The following PTPRT variants were observed in gnomAD, a reference collection of about 807,000 sequenced individuals.
PTPRT encodes protein tyrosine phosphatase receptor type T.
A neutral mutation model predicts 176.8 loss-of-function variants in PTPRT; 56 were observed. The observed-to-expected ratio is 0.32, with a 90% CI of 0.26 to 0.40. The LOEUF (loss-of-function observed/expected upper bound fraction) is 0.40. Among genes scored for constraint, PTPRT ranks in the 10% least tolerant of loss-of-function variants. The pLI is 1.00. For missense variants in PTPRT, 1,540 were observed against 1,908.2 expected (o/e 0.81, Z 3.60); for synonymous variants, 783 against 739.0 (o/e 1.06, Z -0.96).
intron 17 of PTPRT, among the ~76,000 whole-genome samples, chr20:42,143,181 G>T (rs1398939772): frequency 1.3e-5 from 2 of 152,194 alleles, no homozygotes; most frequent in Non-Finnish European, 2.9e-5. Flanking sequence ...TCTGATTCAT[G>T]TATTACAAAG....
intron 1 of PTPRT, among the ~76,000 whole-genome samples, chr20:43,078,737 AATCT>A (rs1045046488): frequency 6.6e-6 from 1 of 152,218 alleles, no homozygotes; most frequent in African/African-American, 2.4e-5. Context: ...TGTAACCATC[AATCT>A]GTTGTTAAGC....
chr20:42,850,974 G>A (rs957236569), intron 2 of PTPRT, among the ~76,000 whole-genome samples: 1 of 152,132 alleles, frequency 6.6e-6, no homozygotes, highest in South Asian at 2.1e-4. Flanking sequence ...CCTCATTAGG[G>A]CTCTTGGTAG....
intron 2 of PTPRT, among the ~76,000 whole-genome samples, chr20:42,811,695 C>A (rs1014927055): frequency 6.6e-6 from 1 of 152,120 alleles, no homozygotes; most frequent in Admixed American, 6.5e-5. Flanking sequence ...TTGTTGGTGG[C>A]CGCTGTTGTT....
At chr20:42,857,837 T>C (rs1389680855) in intron 2 of PTPRT, among the ~76,000 whole-genome samples, 1 of 152,228 alleles carries the variant, frequency 6.6e-6, no homozygotes, top group Non-Finnish European at 1.5e-5. Flanking sequence ...ATTCAACTCA[T>C]ATGTCTTCTC....
chr20:42,121,697 T>TATA (rs1491238372), intron 19 of PTPRT, among the ~76,000 whole-genome samples: 12 of 140,518 alleles, frequency 8.5e-5, no homozygotes, highest in African/African-American at 2.8e-4. Flanking sequence ...AAGAAATTTT[T>TATA]TATATATATA....
intron 7 of PTPRT, among the ~76,000 whole-genome samples, chr20:42,675,914 T>C (rs554399351): frequency 3.0e-4 from 45 of 152,246 alleles, no homozygotes; most frequent in Non-Finnish European, 6.2e-4. Flanking sequence ...CAGAGTCATC[T>C]GCCTCATTAA....
chr20:42,958,763 C>T (rs748952701), intron 1 of PTPRT, among the ~76,000 whole-genome samples: 1 of 152,078 alleles, frequency 6.6e-6, no homozygotes, highest in Non-Finnish European at 1.5e-5. Flanking sequence ...ACACAAACCC[C>T]AGCACACCAA....
At chr20:42,819,742 TAA>T (rs199792404) in intron 2 of PTPRT, among the ~76,000 whole-genome samples, 3 of 147,816 alleles carry the variant, frequency 2.0e-5, no homozygotes, top group African/African-American at 5.0e-5. Context: ...AAAATAAAAA[TAA>T]AAAAAAATAA....
At chr20:42,791,923 C>A (rs1047628790) in intron 2 of PTPRT, among the ~76,000 whole-genome samples, 5 of 152,204 alleles carry the variant, frequency 3.3e-5, no homozygotes, top group Admixed American at 3.3e-4. Context: ...TTCCTTCCAG[C>A]AGAAACAGAG....
chr20:42,597,902 G>T (rs552480631), intron 7 of PTPRT, among the ~76,000 whole-genome samples: 1 of 152,224 alleles, frequency 6.6e-6, no homozygotes, highest in East Asian at 1.9e-4. Flanking sequence ...TCTGCCAACA[G>T]CATATATAGA....
chr20:42,132,332 T>C (rs1988159957), intron 18 of PTPRT, among the ~76,000 whole-genome samples: 1 of 152,060 alleles, frequency 6.6e-6, no homozygotes, highest in African/African-American at 2.4e-5. Context: ...CATGAGAGGA[T>C]TAAATGAGAA....
At chr20:42,375,160 G>A (rs2058636228) in intron 9 of PTPRT, among the ~76,000 whole-genome samples, 1 of 152,126 alleles carries the variant, frequency 6.6e-6, no homozygotes. Flanking sequence ...GTGTCGGGGG[G>A]ACAGGGAAAG....
rs1989606726 is a variant in PTPRT at position 42,161,641 on chromosome 20, CCAACTTGGGACT to C, written c.2492-111_2492-100del. On this transcript the variant is annotated intron_variant, in intron 16 of 30. Coordinates refer to ENST00000373187, the MANE Select transcript of PTPRT (RefSeq NM_007050.6). ...CTTGGCCTGAGGAGGGCAGAGGGAACCAACTTGGGACTCAACTGATAGGGAAACTGCAAAAGG... is the reference window on the plus strand; with the variant it reads ...CTTGGCCTGAGGAGGGCAGAGGGAACCAACTGATAGGGAAACTGCAAAAGG... 13 of 1,211,082 alleles carry C rather than the reference CCAACTTGGGACT, an allele frequency of 1.1e-5. No homozygotes were observed. The South Asian group carries it at 2.0e-4, about 18-fold the overall frequency. The allele number at this position is 1,211,082 out of a possible 1,614,324, so 75.0% of individuals were successfully genotyped here. A position where few individuals can be genotyped will look rare whatever the true frequency, so the allele number is the denominator to read the frequency against.
At chr20:42,856,146 T>A (rs2078559127) in intron 2 of PTPRT, among the ~76,000 whole-genome samples, 1 of 152,160 alleles carries the variant, frequency 6.6e-6, no homozygotes, top group African/African-American at 2.4e-5. Context: ...AAATCTAGTG[T>A]CAGAATTTCA....
chr20:42,507,853 CTTTT>C (rs5841463), intron 7 of PTPRT, among the ~76,000 whole-genome samples: 17 of 139,142 alleles, frequency 1.2e-4, no homozygotes, highest in African/African-American at 4.5e-4. Context: ...ACTCACAGGA[CTTTT>C]TTTTTTTTTT....
chr20:42,352,166 G>A lies in PTPRT; in HGVS notation c.1680C>T (p.Thr560=), dbSNP rs1171427679. The A allele has an allele frequency of 1.9e-6, 3 of 1,614,072 alleles. No individual in the cohort carries two copies. Among genetic ancestry groups the A allele is most frequent in the Non-Finnish European group, 2.5e-6 (3 of 1,180,026 alleles). The stretch of plus-strand genomic sequence containing the variant: ...TGGCCTTGATGGTGAAGGAATAGGT[G>A]GTCCCTGGGTACAGACCCACAAAGA... The part of the protein sequence containing the change: ...HHLFVGLYPG[T]TYSFTIKAST... Residue 560 remains threonine (T), a synonymous_variant, in exon 10 of 31, where the codon ACC becomes ACT. Coordinates refer to ENST00000373187, the MANE Select transcript of PTPRT (RefSeq NM_007050.6).
chr20:43,070,984 A>T (rs1050762713), intron 1 of PTPRT, among the ~76,000 whole-genome samples: 3 of 151,764 alleles, frequency 2.0e-5, no homozygotes, highest in Non-Finnish European at 4.4e-5. Flanking sequence ...AAAAAAAAAA[A>T]AAAGAACTGC....
At chr20:42,880,562 C>T (rs1363396083) in intron 2 of PTPRT, among the ~76,000 whole-genome samples, 4 of 152,172 alleles carry the variant, frequency 2.6e-5, no homozygotes, top group Non-Finnish European at 5.9e-5. Context: ...CCAGGATGCC[C>T]TCCTGCTGGG....
intron 16 of PTPRT, among the ~76,000 whole-genome samples, chr20:42,186,446 G>T (rs73260998): frequency 0.025 from 3,839 of 151,584 alleles, 151 homozygotes; most frequent in African/African-American, 0.087. Flanking sequence ...CCATGCCATT[G>T]CTCTGTCTAG....
Sources: gnomAD v4.1 joint callset for allele counts (sites outside exome capture counted in the v4.1 genomes callset) on GRCh38, gnomAD v4.1.1 for gene constraint, MANE v1.5 for transcripts, NCBI Gene and HGNC (gene_info 2026-07-23, HGNC 2026-07-21) for gene names.